Variants in ACTG1 observed in about 807,000 individuals in gnomAD.
The protein encoded by ACTG1 is actin, cytoplasmic 2.
ACTG1 carries 14 observed loss-of-function variants against 34.3 expected under a neutral mutation model. The observed-to-expected ratio is 0.41, with a 90% CI of 0.27 to 0.64. The LOEUF (loss-of-function observed/expected upper bound fraction) is 0.64. ACTG1 is among the 30% of genes least tolerant of loss of function. The pLI, the probability that ACTG1 is intolerant of heterozygous loss-of-function variation, is 0.33. For synonymous variants in ACTG1, 422 were observed against 213.9 expected (o/e 1.97, Z -8.49); for missense variants, 233 against 529.5 (o/e 0.44, Z 5.50).
chr17:81,512,468 G>C (rs2031874565), intron 1 of ACTG1, 108 bp from the exon 2 acceptor site: 4 of 1,584,018 alleles, frequency 2.5e-6, no homozygotes, highest in East Asian at 2.2e-5. Flanking sequence ...CCCAACCCCA[G>C]CGGCCGTGGC....
Position 81,512,328 on chromosome 17 carries a change from G to A in ACTG1, c.27C>T (p.Val9=), listed in dbSNP as rs1188613407. 5.0e-6 allele frequency: 8 copies of A among 1,613,856 alleles called. No homozygotes were observed. Among genetic ancestry groups the A allele is most frequent in the Non-Finnish European group, 5.9e-6 (7 of 1,179,938 alleles). Residue 9 remains valine (V), a synonymous_variant, in exon 2 of 6, where the codon GTC becomes GTT. Transcript: ENST00000573283. MEEEIAAL[V]IDNGSGMCKA... is the part of the protein sequence containing the mutation. ...TGCACATGCCGGAGCCATTGTCAAT[G>A]ACCAGCGCGGCGATCTCTTCTTCCA...
rs782504453 is a variant in ACTG1, at chr17:81,511,831, G to A, written c.363+72C>T. 60 of 1,608,134 alleles carry A rather than the reference G, an allele frequency of 3.7e-5. No individual in the cohort carries two copies. Among genetic ancestry groups the A allele is most frequent in the Middle Eastern group, 3.3e-4 (2 of 6,054 alleles). Reference sequence around the variant, plus strand: ...GGAACAGCGAAAGAAACACTTAAATGTCAGAAATCAAGCCGGGCAGAAAAT... The same window carrying A: ...GGAACAGCGAAAGAAACACTTAAATATCAGAAATCAAGCCGGGCAGAAAAT... On this transcript the variant is annotated intron_variant, in intron 3 of 5. Transcript: ENST00000573283.
Position 81,510,115 on chromosome 17 carries a change from T to A in ACTG1, c.*575A>T, listed in dbSNP as rs187751050. ...CGTACAAAAAAAACCTTACATAAATTAAGAATGAATACATTTACAGGCGTA... is the reference window on the plus strand; with the variant it reads ...CGTACAAAAAAAACCTTACATAAATAAAGAATGAATACATTTACAGGCGTA... On this transcript the variant is annotated 3_prime_UTR_variant, in exon 6 of 6. Coordinates refer to ENST00000573283, the MANE Select transcript of ACTG1 (RefSeq NM_001614.5). 3 of 465,602 alleles carry A rather than the reference T, an allele frequency of 6.4e-6. No individual in the cohort carries two copies. The Admixed American group carries it at 7.1e-5, about 11-fold the overall frequency. 28.8% of individuals were successfully genotyped at this position (465,602 alleles called of 1,614,324 possible).
chr17:81,512,731 C>T lies in ACTG1; in HGVS notation c.-7+3G>A, dbSNP rs1555667525. ...AGCTCAGGCCCCGGGGCGGGGCGCTCACCGGCAGAGAAACGCGACGGCGGA... is the reference window on the plus strand; with the variant it reads ...AGCTCAGGCCCCGGGGCGGGGCGCTTACCGGCAGAGAAACGCGACGGCGGA... On this transcript the variant is annotated splice_donor_region_variant and intron_variant, in intron 1 of 5. Coordinates refer to ENST00000573283, the MANE Select transcript of ACTG1 (RefSeq NM_001614.5). 9.7e-6 allele frequency: 4 copies of T among 411,804 alleles called. No homozygotes were observed. Among genetic ancestry groups the T allele is most frequent in the South Asian group, 1.7e-5 (1 of 57,538 alleles). The allele number at this position is 411,804 out of a possible 1,614,324, so 25.5% of individuals were successfully genotyped here. A position where few individuals can be genotyped will look rare whatever the true frequency, so the allele number is the denominator to read the frequency against.
rs2031677317 is a variant in ACTG1 at position 81,510,314 on chromosome 17, C to G, written c.*376G>C. On this transcript the variant is annotated 3_prime_UTR_variant, in exon 6 of 6. Transcript: ENST00000573283. ...TAGAGAAATCCCAGAACACTCAGCC[C>G]TGACACGTTAATACCCTGCACAGAT... 2.2e-6 allele frequency: 1 copy of G among 455,326 alleles called. No homozygotes were observed. 28.2% of individuals were successfully genotyped at this position (455,326 alleles called of 1,614,324 possible). A position where few individuals can be genotyped will look rare whatever the true frequency, so the allele number is the denominator to read the frequency against.
Position 81,511,300 on chromosome 17 carries a change from G to T in ACTG1, c.690C>A (p.Ala230=). 1.2e-6 allele frequency: 2 copies of T among 1,613,794 alleles called. No individual in the cohort carries two copies. Among genetic ancestry groups the T allele is most frequent in the Non-Finnish European group, 1.7e-6 (2 of 1,180,046 alleles). Residue 230 remains alanine, a synonymous_variant, in exon 4 of 6, where the codon GCC becomes GCA. Transcript: ENST00000573283. The part of the protein sequence containing the change: ...ALDFEQEMAT[A]ASSSSLEKSY... Reference sequence around the variant, plus strand: ...TCTTCTCCAGAGAAGAGGAGGATGCGGCGGTGGCCATCTCCTGCTCGAAGT... The same window carrying T: ...TCTTCTCCAGAGAAGAGGAGGATGCTGCGGTGGCCATCTCCTGCTCGAAGT...
At position 81,512,158 on chromosome 17, in the gene ACTG1, C is replaced by G; in HGVS notation, c.124-16G>C. 6.2e-7 allele frequency: 1 copy of G among 1,613,248 alleles called. No homozygotes were observed. The highest frequency in any genetic ancestry group is 1.1e-5 in the South Asian group (1 of 91,044). On this transcript the variant is annotated splice_polypyrimidine_tract_variant and intron_variant, in intron 2 of 5. Transcript: ENST00000573283. ...CCATGACGCCCTGCAGGGGACGACC[C>G]GTCAGCCTCGCCGGCGACACCGAAC...
rs183520259 is a variant in ACTG1 at position 81,510,082 on chromosome 17, G to A, written c.*608C>T. 2.8e-5 allele frequency: 13 copies of A among 457,400 alleles called. No individual in the cohort carries two copies. The highest frequency in any genetic ancestry group is 2.1e-4 in the East Asian group (3 of 14,408). The allele number at this position is 457,400 out of a possible 1,614,324, so 28.3% of individuals were successfully genotyped here. On this transcript the variant is annotated 3_prime_UTR_variant, in exon 6 of 6. Transcript: ENST00000573283. ...TTTGTTGTCATCTCTTCAAAGAATC[G>A]AGAATTGCGTACAAAAAAAACCTTA...
In ACTG1 at chr17:81,510,624, T is replaced by C. The variant is rs1555666291; in HGVS notation, c.*66A>G. The C allele has an allele frequency of 1.9e-6, 3 of 1,606,260 alleles. No homozygotes were observed. The highest frequency in any genetic ancestry group is 2.2e-5 in the East Asian group (1 of 44,854). On this transcript the variant is annotated 3_prime_UTR_variant, in exon 6 of 6. Transcript: ENST00000573283. Reference sequence around the variant, plus strand: ...GAGGCTAGCATGAGGTGTGTGCATTTGCCAGGGGCAAATTTCTATTCTCAA... The same window carrying C: ...GAGGCTAGCATGAGGTGTGTGCATTCGCCAGGGGCAAATTTCTATTCTCAA...
rs11549226 is a variant in ACTG1 at position 81,511,567 on chromosome 17, G to A, written c.423C>T (p.Ser141=). The change falls in exon 4 of 6, where the codon TCC becomes TCT. Residue 141 remains serine (S), a synonymous_variant. Coordinates refer to ENST00000573283, the MANE Select transcript of ACTG1 (RefSeq NM_001614.5). Reference sequence around the variant, plus strand: ...CAGTGGTGCGCCCAGAGGCGTAGAGGGACAGCACGGCCTGGATGGCCACGT... The same window carrying A: ...CAGTGGTGCGCCCAGAGGCGTAGAGAGACAGCACGGCCTGGATGGCCACGT... ...AMYVAIQAVL[S]LYASGRTTGI... is the part of the protein sequence containing the mutation. 1.4e-5 allele frequency: 23 copies of A among 1,613,846 alleles called. No homozygotes were observed. The highest frequency in any genetic ancestry group is 8.8e-5 in the South Asian group (8 of 91,086).
chr17:81,512,737 C>T lies in ACTG1; in HGVS notation c.-10G>A, dbSNP rs1555667528. On this transcript the variant is annotated 5_prime_UTR_variant, in exon 1 of 6. Transcript: ENST00000573283. ...GGCCCCGGGGCGGGGCGCTCACCGG[C>T]AGAGAAACGCGACGGCGGAGCGGCG... 2 of 412,536 alleles carry T rather than the reference C, an allele frequency of 4.8e-6. No individual in the cohort carries two copies. The highest frequency in any genetic ancestry group is 1.7e-5 in the South Asian group (1 of 57,970). 25.6% of individuals were successfully genotyped at this position (412,536 alleles called of 1,614,324 possible). A position where few individuals can be genotyped will look rare whatever the true frequency, so the allele number is the denominator to read the frequency against.
intron 1 of ACTG1, 26 bp downstream of exon 1, chr17:81,512,708 C>G (rs1327276889): frequency 2.2e-5 from 9 of 408,118 alleles, no homozygotes; most frequent in South Asian, 1.7e-4. Context: ...CGACGTCCAG[C>G]TCAGGCCCCG....
rs189965694 is a variant in ACTG1 at position 81,511,137 on chromosome 17, G to A, written c.803-29C>T. 53 of 1,613,840 alleles carry A rather than the reference G, an allele frequency of 3.3e-5. No individual in the cohort carries two copies. The African/African-American group carries it at 4.3e-4, about 13-fold the overall frequency. On this transcript the variant is annotated intron_variant, in intron 4 of 5. Transcript: ENST00000573283. ...GGGGACAGAGCCCTCCCTTAGTGATGCTGTGTCACCGAGGATGTAAGAGTA... is the reference window on the plus strand; with the variant it reads ...GGGGACAGAGCCCTCCCTTAGTGATACTGTGTCACCGAGGATGTAAGAGTA...
chr17:81,512,787 A>AGCGGCGACTGAGACCGACC lies in ACTG1; in HGVS notation c.-61_-60insGGTCGGTCTCAGTCGCCGC, dbSNP rs1555667585. On this transcript the variant is annotated 5_prime_UTR_variant, in exon 1 of 6. Coordinates refer to ENST00000573283, the MANE Select transcript of ACTG1 (RefSeq NM_001614.5). ...GGAAGAACAGAGTGCGAGAGCTGGCAGCGGCGACTGAGACCGACCGCGGCC... is the reference window on the plus strand; with the variant it reads ...GGAAGAACAGAGTGCGAGAGCTGGCAGCGGCGACTGAGACCGACCGCGGCGACTGAGACCGACCGCGGCC... 2 of 411,062 alleles carry AGCGGCGACTGAGACCGACC rather than the reference A, an allele frequency of 4.9e-6. No homozygotes were observed. The highest frequency in any genetic ancestry group is 2.7e-5 in the Admixed American group (1 of 36,466). 25.5% of individuals were successfully genotyped at this position (411,062 alleles called of 1,614,324 possible). A position where few individuals can be genotyped will look rare whatever the true frequency, so the allele number is the denominator to read the frequency against.
chr17:81,511,873 G>A (rs370149113), intron 3 of ACTG1, 30 bp downstream of exon 3: 145 of 1,613,834 alleles, frequency 9.0e-5, no homozygotes, highest in Non-Finnish European at 1.1e-4. Flanking sequence ...GGAAAGGACG[G>A]GAGGAGCACG....
rs201579883 is a variant in ACTG1 at position 81,512,343 on chromosome 17, C to T, written c.12G>A (p.Glu4=). MEE[E]IAALVIDNGS... ...CATTGTCAATGACCAGCGCGGCGAT[C>T]TCTTCTTCCATTGCGACCTGCCCGG... Residue 4 remains glutamate (E), a synonymous_variant, in exon 2 of 6, where the codon GAG becomes GAA. Transcript: ENST00000573283. 5.0e-6 allele frequency: 8 copies of T among 1,614,024 alleles called. No individual in the cohort carries two copies. In the East Asian group the frequency reaches 1.6e-4, roughly 31 times the overall value.
rs558574409 is a variant in ACTG1 at position 81,510,032 on chromosome 17, C to G, written c.*658G>C. The G allele has an allele frequency of 2.3e-6, 1 of 442,250 alleles. No individual in the cohort carries two copies. The highest frequency in any genetic ancestry group is 4.5e-6 in the Non-Finnish European group (1 of 220,538). 27.4% of individuals were successfully genotyped at this position (442,250 alleles called of 1,614,324 possible). A position where few individuals can be genotyped will look rare whatever the true frequency, so the allele number is the denominator to read the frequency against. On this transcript the variant is annotated 3_prime_UTR_variant, in exon 6 of 6. Coordinates refer to ENST00000573283, the MANE Select transcript of ACTG1 (RefSeq NM_001614.5). ...TGACGTGTTGCTGGGGCCTAATGTT[C>G]TCACATAACAGTAGAAAACCAAAAT...
rs782070837 is a variant in ACTG1, at chr17:81,511,615, C to T, written c.375G>A (p.Glu125=). ...CGTACATGGCCGGGGTGTTGAAGGT[C>T]TCAAACATAATCTGAGAAGGGACAA... ...NREKMTQIMF[E]TFNTPAMYVA... is the part of the protein sequence containing the mutation. Residue 125 remains glutamate (E), a synonymous_variant, in exon 4 of 6, where the codon GAG becomes GAA. Coordinates refer to ENST00000573283, the MANE Select transcript of ACTG1 (RefSeq NM_001614.5). 4 of 1,613,378 alleles carry T rather than the reference C, an allele frequency of 2.5e-6. No homozygotes were observed. The highest frequency in any genetic ancestry group is 3.4e-6 in the Non-Finnish European group (4 of 1,179,910).
At chr17:81,512,614 C>T in intron 1 of ACTG1, 120 bp downstream of exon 1, 1 of 563,146 alleles carries the variant, frequency 1.8e-6, no homozygotes, top group Non-Finnish European at 3.1e-6. Flanking sequence ...ACCCGGCCCA[C>T]CCCGCCTTTT....
Sources: allele counts gnomAD v4.1 joint callset, GRCh38; gene constraint gnomAD v4.1.1; transcripts MANE v1.5; gene names NCBI Gene and HGNC (gene_info 2026-07-23, HGNC 2026-07-21).